The following TERT variants were observed in gnomAD, a reference collection of about 807,000 sequenced individuals.
TERT encodes the protein telomerase catalytic subunit.
TERT carries 42 observed loss-of-function variants against 104.0 expected under a neutral mutation model. That is an observed-to-expected ratio of 0.40 (90% CI 0.32 to 0.52). TERT has a LOEUF of 0.52. TERT is among the 20% of genes least tolerant of loss of function. The probability of loss-of-function intolerance (pLI) is 0.43; values close to 1 mark genes in which losing one functional copy is unlikely to be tolerated. For synonymous variants in TERT, 781 were observed against 725.6 expected, an observed-to-expected ratio of 1.08 and a Z score of -1.23; for missense variants, 1,101 against 1,610.3, an observed-to-expected ratio of 0.68 and a Z score of 5.41.
At chr5:1,291,345 G>T (rs1476164393) in intron 2 of TERT, among the ~76,000 whole-genome samples, 2 of 61,268 alleles carry the variant, frequency 3.3e-5, no homozygotes, top group Non-Finnish European at 6.2e-5. Context: ...AGGGACACCC[G>T]GGGACCGCGC....
Position 1,254,456 on chromosome 5 carries a change from G to T in TERT, c.3207C>A (p.Ala1069=). The change falls in exon 15 of 16, where the codon GCC becomes GCA. Residue 1069 remains alanine (A), a synonymous_variant. Transcript: ENST00000310581. ...KGAAGPLPSE[A]VQWLCHQAFL... ...ATGCTTGGTGGCACAGCCACTGCACGGCCTCGGAGGGCAGAGGGCCGGCGG... is the reference window on the plus strand; with the variant it reads ...ATGCTTGGTGGCACAGCCACTGCACTGCCTCGGAGGGCAGAGGGCCGGCGG... The T allele has an allele frequency of 6.2e-7, 1 of 1,612,976 alleles. No individual in the cohort carries two copies. Among genetic ancestry groups the T allele is most frequent in the African/African-American group, 1.3e-5 (1 of 75,020 alleles).
chr5:1,291,225 C>T (rs1199991271), intron 2 of TERT, among the ~76,000 whole-genome samples: 2 of 114,060 alleles, frequency 1.8e-5, no homozygotes, highest in Non-Finnish European at 1.8e-5. Flanking sequence ...CACCTGGGGC[C>T]GCGCCTCACT....
At chr5:1,279,622 G>C in intron 4 of TERT, 152 bp from the exon 5 acceptor site, 1 of 780,204 alleles carries the variant, frequency 1.3e-6, no homozygotes, top group East Asian at 2.7e-5. Context: ...CTCAGACCCT[G>C]TTTGAAACGG....
In TERT at chr5:1,289,899, G is replaced by C. The variant is rs761428925; in HGVS notation, c.1573+3414C>G. ...CCGGGGGCCGCGCCTCACTCACCCT[G>C]CACGTGACAGGGACACCCGGGGGCC... On this transcript the variant is annotated intron_variant, in intron 2 of 15. Transcript: ENST00000310581. Among the ~76,000 whole-genome samples the C allele has an allele frequency of 2.1e-4, 4 of 19,414 alleles. 1 individual carries two copies. Among genetic ancestry groups the C allele is most frequent in the Admixed American group, 4.9e-4 (1 of 2,054 alleles). The allele number at this position is 19,414 out of a possible 152,430, so 12.7% of individuals were successfully genotyped here.
chr5:1,253,193 T>C lies in TERT; in HGVS notation c.*535A>G, dbSNP rs1747450284. Reference sequence around the variant, plus strand: ...TTTTTTCAAAACTGAAAAACTCATATATTCAGTATTTTACTCCCACAGCAC... The same window carrying C: ...TTTTTTCAAAACTGAAAAACTCATACATTCAGTATTTTACTCCCACAGCAC... On this transcript the variant is annotated 3_prime_UTR_variant, in exon 16 of 16. Coordinates refer to ENST00000310581, the MANE Select transcript of TERT (RefSeq NM_198253.3). 1 of 256,860 alleles carries C rather than the reference T, an allele frequency of 3.9e-6. No homozygotes were observed. Among genetic ancestry groups the C allele is most frequent in the African/African-American group, 2.2e-5 (1 of 45,752 alleles). 15.9% of individuals were successfully genotyped at this position (256,860 alleles called of 1,614,324 possible).
Position 1,270,021 on chromosome 5 carries a change from G to A in TERT, c.2468+1098C>T, listed in dbSNP as rs1169724611. ...CTTGATCCATCTTAATAAAATTCAC[G>A]ACCACGAAGGAGGCCCGTGGTGGCT... On this transcript the variant is annotated intron_variant, in intron 8 of 15. Coordinates refer to ENST00000310581, the MANE Select transcript of TERT (RefSeq NM_198253.3). This position sits in a 1 kb window ranked among gnomAD's most constrained non-coding sequence, Gnocchi z 8.3. Among the ~76,000 whole-genome samples, 5 of 152,050 alleles carry A rather than the reference G, an allele frequency of 3.3e-5. No individual in the cohort carries two copies. The highest frequency in any genetic ancestry group is 2.4e-5 in the African/African-American group (1 of 41,406).
rs1278994586 is a variant in TERT, at chr5:1,260,529, C to T, written c.2915G>A (p.Arg972His). 5.6e-6 allele frequency: 9 copies of T among 1,614,026 alleles called. No homozygotes were observed. The highest frequency in any genetic ancestry group is 1.7e-5 in the Admixed American group (1 of 60,010). ...CAGCCGCAAGACCCCAAAGAGTTTG[C>T]GACGCATGTTCCTCCCAGCCTTGAA... Reference protein sequence around the residue: ...RGFKAGRNMRRKLFGVLRLKC... With the variant: ...RGFKAGRNMRHKLFGVLRLKC... Residue 972 changes from arginine to histidine, a missense_variant, in exon 12 of 16, where the codon CGC becomes CAC. This residue lies in a region of TERT where 463 missense variants were observed against 797.5 expected (regional missense o/e 0.58). Transcript: ENST00000310581.
chr5:1,290,010 C>T (rs868820938), intron 2 of TERT, among the ~76,000 whole-genome samples: 19 of 21,090 alleles, frequency 9.0e-4, no homozygotes, highest in African/African-American at 2.5e-3. Context: ...CCGGGGGCCG[C>T]GCCTCACTCA....
rs762179148 is a variant in TERT, at chr5:1,286,968, C to T, written c.1574-4344G>A. Among the ~76,000 whole-genome samples, 16 of 151,988 alleles carry T rather than the reference C, an allele frequency of 1.1e-4. No homozygotes were observed. The highest frequency in any genetic ancestry group is 1.9e-4 in the African/African-American group (8 of 41,354). The stretch of plus-strand genomic sequence containing the variant: ...CAAATGCCCAGTGACCAGGAGGCAA[C>T]GAGAGGATCAACACACACTCGGCAG... On this transcript the variant is annotated intron_variant, in intron 2 of 15. Coordinates refer to ENST00000310581, the MANE Select transcript of TERT (RefSeq NM_198253.3). This position sits in a 1 kb window ranked among gnomAD's most constrained non-coding sequence, Gnocchi z 5.3.
chr5:1,268,681 C>T lies in TERT; in HGVS notation c.2469-48G>A. 7.5e-7 allele frequency: 1 copy of T among 1,337,874 alleles called. No homozygotes were observed. Among genetic ancestry groups the T allele is most frequent in the Non-Finnish European group, 1.1e-6 (1 of 932,232 alleles). 82.9% of individuals were successfully genotyped at this position (1,337,874 alleles called of 1,614,324 possible). A position where few individuals can be genotyped will look rare whatever the true frequency, so the allele number is the denominator to read the frequency against. ...AGAGACGGGCAGGGCATGTGCTGGA[C>T]ATGCGTACACTCAAACCGAGCCACA... On this transcript the variant is annotated intron_variant, in intron 8 of 15. Coordinates refer to ENST00000310581, the MANE Select transcript of TERT (RefSeq NM_198253.3). The surrounding 1 kb of genome is among the most constrained non-coding windows in gnomAD (Gnocchi z 5.5).
At chr5:1,266,066 C>A (rs367846417) in intron 10 of TERT, among the ~76,000 whole-genome samples, 12 of 152,184 alleles carry the variant, frequency 7.9e-5, no homozygotes, top group Admixed American at 4.6e-4. Context: ...TCCTGCTCTC[C>A]GCAGGCTCAG....
At position 1,258,677 on chromosome 5, in the gene TERT, G is replaced by A. The variant is rs1747937588; in HGVS notation, c.2971-18C>T. On this transcript the variant is annotated intron_variant, in intron 12 of 15. Transcript: ENST00000310581. Reference sequence around the variant, plus strand: ...CTGTTCACCTAGAGTCGCCAAGAAAGAGTGAGAAACGGTAGAAACCTCTCT... The same window carrying A: ...CTGTTCACCTAGAGTCGCCAAGAAAAAGTGAGAAACGGTAGAAACCTCTCT... 1 of 1,559,268 alleles carries A rather than the reference G, an allele frequency of 6.4e-7. No individual in the cohort carries two copies. The highest frequency in any genetic ancestry group is 8.7e-7 in the Non-Finnish European group (1 of 1,150,234).
chr5:1,278,482 T>A (rs1749769546), intron 6 of TERT, among the ~76,000 whole-genome samples, 159 bp downstream of exon 6: 1 of 151,798 alleles, frequency 6.6e-6, no homozygotes, highest in African/African-American at 2.4e-5. Flanking sequence ...CACAGATACA[T>A]GCACCACGAC....
At chr5:1,276,178 A>G (rs1354155340) in intron 6 of TERT, among the ~76,000 whole-genome samples, 6 of 146,676 alleles carry the variant, frequency 4.1e-5, no homozygotes, top group Non-Finnish European at 9.0e-5. Context: ...ATAAAAACCA[A>G]TCCCACAGGT....
In TERT at chr5:1,269,737, C is replaced by T. The variant is rs960230551; in HGVS notation, c.2469-1104G>A. ...CACCAACTCTAGGAGTCCGGCCAGC[C>T]CAGCGAGTCAACGCAAGCAGATACG... On this transcript the variant is annotated intron_variant, in intron 8 of 15. Coordinates refer to ENST00000310581, the MANE Select transcript of TERT (RefSeq NM_198253.3). This position sits in a 1 kb window ranked among gnomAD's most constrained non-coding sequence, Gnocchi z 9.0. Among the ~76,000 whole-genome samples the T allele has an allele frequency of 6.6e-6, 1 of 152,160 alleles. No homozygotes were observed. The highest frequency in any genetic ancestry group is 1.5e-5 in the Non-Finnish European group (1 of 68,028).
intron 10 of TERT, 112 bp from the exon 11 acceptor site, chr5:1,264,704 A>G: frequency 7.5e-7 from 1 of 1,336,342 alleles, no homozygotes; most frequent in Non-Finnish European, 1.1e-6. Context: ...GATTTGGAGC[A>G]GGGTGCTGGG....
chr5:1,273,696 TCAC>T (rs59325155), intron 6 of TERT, among the ~76,000 whole-genome samples: 2 of 8,114 alleles, frequency 2.5e-4, no homozygotes, highest in Admixed American at 2.0e-3. Flanking sequence ...CCATCCACAG[TCAC>T]CACATCAGAC....
Position 1,288,874 on chromosome 5 carries a change from G to T in TERT, c.1573+4439C>A, listed in dbSNP as rs1750655324. Among the ~76,000 whole-genome samples, 1 of 152,338 alleles carries T rather than the reference G, an allele frequency of 6.6e-6. No homozygotes were observed. Among genetic ancestry groups the T allele is most frequent in the South Asian group, 2.1e-4 (1 of 4,824 alleles). ...TGGCTGCAGTGCCTGGCACGCGGGAGGCGAGAGCCTGCAGTCCCGTGTCCC... is the reference window on the plus strand; with the variant it reads ...TGGCTGCAGTGCCTGGCACGCGGGATGCGAGAGCCTGCAGTCCCGTGTCCC... On this transcript the variant is annotated intron_variant, in intron 2 of 15. Transcript: ENST00000310581. The surrounding 1 kb of genome is among the most constrained non-coding windows in gnomAD (Gnocchi z 5.3).
rs1040182158 is a variant in TERT, at chr5:1,268,253, T to C, written c.2582+267A>G. ...GTGCTTCCTCGGTGTTGAATTCACA[T>C]GCTCATCATGCAGGGCAGCGGCCCT... On this transcript the variant is annotated intron_variant, in intron 9 of 15. Coordinates refer to ENST00000310581, the MANE Select transcript of TERT (RefSeq NM_198253.3). The surrounding 1 kb of genome is among the most constrained non-coding windows in gnomAD (Gnocchi z 5.5). 2.6e-5 allele frequency among the ~76,000 whole-genome samples: 4 copies of C among 152,242 alleles called. No individual in the cohort carries two copies. The highest frequency in any genetic ancestry group is 5.9e-5 in the Non-Finnish European group (4 of 68,036).
Sources: allele counts gnomAD v4.1 joint callset (sites outside exome capture counted in the v4.1 genomes callset), GRCh38; gene constraint gnomAD v4.1.1; regional missense constraint gnomAD v4.1.1; non-coding constraint Gnocchi (gnomAD v3.1); transcripts MANE v1.5; gene names NCBI Gene and HGNC (gene_info 2026-07-23, HGNC 2026-07-21).